Variants in EEPD1 observed in about 807,000 individuals in gnomAD.
EEPD1 encodes the protein endonuclease/exonuclease/phosphatase family domain containing 1, also known as endonuclease/exonuclease/phosphatase family domain-containing protein 1.
Under a neutral mutation model 46.3 loss-of-function variants are expected in EEPD1, and 17 were observed. The ratio of observed to expected loss-of-function variants is 0.37; its 90% CI spans 0.25 to 0.55. The LOEUF is 0.55. EEPD1 is among the 20% of genes least tolerant of loss of function. The probability of loss-of-function intolerance (pLI) is 0.83; values close to 1 mark genes in which losing one functional copy is unlikely to be tolerated. For missense variants in EEPD1, 673 were observed against 745.6 expected, an observed-to-expected ratio of 0.90 and a Z score of 1.13; for synonymous variants, 313 against 315.6, an observed-to-expected ratio of 0.99 and a Z score of 0.09.
At chr7:36,199,301 G>T (rs1490138876) in intron 2 of EEPD1, among the ~76,000 whole-genome samples, 1 of 152,100 alleles carries the variant, frequency 6.6e-6, no homozygotes, top group Admixed American at 6.6e-5. Context: ...GGACTGTCTT[G>T]GTGATAAGAA....
chr7:36,272,196 TAAA>T, intron 3 of EEPD1, among the ~76,000 whole-genome samples: 1 of 149,620 alleles, frequency 6.7e-6, no homozygotes, highest in South Asian at 2.1e-4. Flanking sequence ...AATTTAAAGA[TAAA>T]AAAAAAAGCC....
chr7:36,189,287 C>T (rs1022361256), intron 2 of EEPD1, among the ~76,000 whole-genome samples: 12 of 152,168 alleles, frequency 7.9e-5, no homozygotes, highest in African/African-American at 2.9e-4. Flanking sequence ...GAGTGTTGAT[C>T]TGAATTCTGA....
At chr7:36,206,057 C>T (rs1289590142) in intron 2 of EEPD1, among the ~76,000 whole-genome samples, 1 of 152,200 alleles carries the variant, frequency 6.6e-6, no homozygotes, top group Non-Finnish European at 1.5e-5. Context: ...CCCATGCCAG[C>T]CAGACTGCCC....
At chr7:36,244,451 A>C (rs533451804) in intron 3 of EEPD1, among the ~76,000 whole-genome samples, 128 of 152,358 alleles carry the variant, frequency 8.4e-4, no homozygotes, top group Non-Finnish European at 1.2e-3. Context: ...TGCTAATATT[A>C]GGCCTTGTTA....
intron 2 of EEPD1, among the ~76,000 whole-genome samples, chr7:36,221,009 A>C (rs572890384): frequency 2.0e-5 from 3 of 152,120 alleles, no homozygotes; most frequent in Non-Finnish European, 2.9e-5. Context: ...GGGTTTCACC[A>C]TGTTGGTCAA....
chr7:36,282,829 G>A (rs780354679), intron 4 of EEPD1, among the ~76,000 whole-genome samples: 1 of 152,212 alleles, frequency 6.6e-6, no homozygotes, highest in Admixed American at 6.5e-5. Context: ...GCAGTATTGT[G>A]GGCCCAATGT....
At chr7:36,208,830 G>T (rs1785871191) in intron 2 of EEPD1, among the ~76,000 whole-genome samples, 1 of 152,200 alleles carries the variant, frequency 6.6e-6, no homozygotes, top group Non-Finnish European at 1.5e-5. Context: ...AGCAGCATCT[G>T]CGTCACCTGG....
rs190891452 is a variant in EEPD1, at chr7:36,243,048, G to A, written c.930+4012G>A. 1.5e-4 allele frequency among the ~76,000 whole-genome samples: 23 copies of A among 152,292 alleles called. No homozygotes were observed. The East Asian group carries it at 4.4e-3, about 29-fold the overall frequency. On this transcript the variant is annotated intron_variant, in intron 3 of 7. Transcript: ENST00000242108. ...AAAAAGCCAACAAGAAAAGTTATTT[G>A]TCAAATATAGAACTGCGCTACTCGA...
At chr7:36,267,384 G>A (rs1371315652) in intron 3 of EEPD1, among the ~76,000 whole-genome samples, 1 of 151,908 alleles carries the variant, frequency 6.6e-6, no homozygotes, top group Non-Finnish European at 1.5e-5. Flanking sequence ...CTCCACATCT[G>A]TGCCACAGCC....
chr7:36,156,316 C>G (rs538753017), intron 2 of EEPD1, among the ~76,000 whole-genome samples: 3 of 152,128 alleles, frequency 2.0e-5, no homozygotes, highest in Admixed American at 6.5e-5. Flanking sequence ...GTGGCATGCT[C>G]TCATCACTGA....
At chr7:36,291,713 G>A (rs1342774545) in intron 6 of EEPD1, among the ~76,000 whole-genome samples, 2 of 152,184 alleles carry the variant, frequency 1.3e-5, no homozygotes, top group Non-Finnish European at 2.9e-5. Context: ...TTGTTATTAC[G>A]GAAGCACACC....
At chr7:36,298,019 C>T (rs1787553842) in intron 7 of EEPD1, among the ~76,000 whole-genome samples, 1 of 152,226 alleles carries the variant, frequency 6.6e-6, no homozygotes, top group African/African-American at 2.4e-5. Context: ...CCAAGATCTT[C>T]AAGACTAGGA....
intron 3 of EEPD1, among the ~76,000 whole-genome samples, chr7:36,271,964 C>CTTCA (rs1416353564): frequency 6.6e-6 from 1 of 151,904 alleles, no homozygotes; most frequent in Non-Finnish European, 1.5e-5. Flanking sequence ...CCACTGCAGT[C>CTTCA]TTCACCTCCC....
At chr7:36,290,803 C>T (rs546066177) in intron 6 of EEPD1, among the ~76,000 whole-genome samples, 13 of 152,284 alleles carry the variant, frequency 8.5e-5, no homozygotes, top group African/African-American at 2.9e-4. Context: ...TCTAGAGACT[C>T]TCTGAGGAAG....
At chr7:36,286,310 C>A (rs768980434) in intron 5 of EEPD1, among the ~76,000 whole-genome samples, 1 of 152,218 alleles carries the variant, frequency 6.6e-6, no homozygotes, top group Non-Finnish European at 1.5e-5. Context: ...CTGTGCCCCC[C>A]ACCCAGCCTT....
intron 2 of EEPD1, among the ~76,000 whole-genome samples, chr7:36,227,011 C>T (rs1338096918): frequency 6.6e-6 from 1 of 152,022 alleles, no homozygotes; most frequent in Non-Finnish European, 1.5e-5. Flanking sequence ...ACAAAGTAGA[C>T]TGATTTCTCA....
chr7:36,259,157 C>T (rs1447170822), intron 3 of EEPD1, among the ~76,000 whole-genome samples: 1 of 152,156 alleles, frequency 6.6e-6, no homozygotes, highest in Non-Finnish European at 1.5e-5. Context: ...GTTCAGCTCG[C>T]CCTCCGTGGG....
intron 3 of EEPD1, among the ~76,000 whole-genome samples, chr7:36,276,216 A>G (rs529799353): frequency 7.2e-5 from 11 of 152,280 alleles, no homozygotes; most frequent in African/African-American, 2.6e-4. Context: ...TGCTGATAAA[A>G]CAGGTTTCAG....
intron 6 of EEPD1, among the ~76,000 whole-genome samples, chr7:36,291,083 C>T (rs1197258405): frequency 2.6e-5 from 4 of 152,232 alleles, no homozygotes; most frequent in Non-Finnish European, 5.9e-5. Flanking sequence ...TTGACACCAG[C>T]GTCTCTCCTG....
Sources: allele counts gnomAD v4.1 joint callset (sites outside exome capture counted in the v4.1 genomes callset), GRCh38; gene constraint gnomAD v4.1.1; transcripts MANE v1.5; gene names NCBI Gene and HGNC (gene_info 2026-07-23, HGNC 2026-07-21).